The following FANCA variants were observed in gnomAD, a reference collection of about 807,000 sequenced individuals.
FANCA encodes Fanconi anemia group A protein.
In FANCA, 236 loss-of-function variants were observed where a neutral mutation model predicts 194.3. The observed-to-expected ratio is 1.21, with a 90% CI of 1.09 to 1.35. FANCA has a LOEUF of 1.35. Ranked by LOEUF, FANCA falls within the 40% of genes most tolerant of loss-of-function variation. The pLI, the probability that FANCA is intolerant of heterozygous loss-of-function variation, is 0.00. For synonymous variants in FANCA, 1,014 were observed against 715.8 expected, an observed-to-expected ratio of 1.42 and a Z score of -6.65; for missense variants, 2,628 against 1,813.9, an observed-to-expected ratio of 1.45 and a Z score of -8.15.
rs1171089290 is a variant in FANCA at position 89,767,137 on chromosome 16, C to T, written c.2601+4G>A. ...ATGGAAAAATAGGAAAAGAGTGAACCTACCTTTTTAATAAGGCCTGGAGAT... is the reference window on the plus strand; with the variant it reads ...ATGGAAAAATAGGAAAAGAGTGAACTTACCTTTTTAATAAGGCCTGGAGAT... On this transcript the variant is annotated splice_donor_region_variant and intron_variant, in intron 27 of 42. Coordinates refer to ENST00000389301, the MANE Select transcript of FANCA (RefSeq NM_000135.4). The T allele has an allele frequency of 6.2e-6, 10 of 1,604,918 alleles. No individual in the cohort carries two copies. Among genetic ancestry groups the T allele is most frequent in the Non-Finnish European group, 8.5e-6 (10 of 1,171,808 alleles).
intron 7 of FANCA, among the ~76,000 whole-genome samples, chr16:89,804,666 G>C (rs1376957524): frequency 6.6e-6 from 1 of 152,144 alleles, no homozygotes; most frequent in African/African-American, 2.4e-5. Flanking sequence ...CCTAGTCTGA[G>C]CCATCCTCTG....
At chr16:89,794,568 A>C (rs1383455098) in intron 11 of FANCA, among the ~76,000 whole-genome samples, 1 of 152,056 alleles carries the variant, frequency 6.6e-6, no homozygotes, top group Non-Finnish European at 1.5e-5. Context: ...AATAAGATAA[A>C]CTGGGAATAA....
chr16:89,783,195 G>GTGTTTCTCTACTC, intron 15 of FANCA, 93 bp from the exon 16 acceptor site: 1 of 905,292 alleles, frequency 1.1e-6, no homozygotes, highest in Non-Finnish European at 1.8e-6. Context: ...CCACAGTGCT[G>GTGTTTCTCTACTC]AGTAGAGAAA....
At chr16:89,743,781 C>T (rs1337793391) in intron 36 of FANCA, among the ~76,000 whole-genome samples, 2 of 152,126 alleles carry the variant, frequency 1.3e-5, no homozygotes, top group African/African-American at 4.8e-5. Context: ...CGAGATCGTG[C>T]CATCTCACTC....
intron 15 of FANCA, among the ~76,000 whole-genome samples, chr16:89,784,136 C>G (rs927671900): frequency 3.3e-5 from 5 of 151,922 alleles, no homozygotes; most frequent in Admixed American, 6.6e-5. Context: ...GAGGCCAAGG[C>G]GGAAGGATCA....
At chr16:89,804,787 AC>A (rs1383979840) in intron 7 of FANCA, among the ~76,000 whole-genome samples, 1 of 152,092 alleles carries the variant, frequency 6.6e-6, no homozygotes, top group Non-Finnish European at 1.5e-5. Flanking sequence ...TAATCCCAGC[AC>A]TTTGGGAGGC....
chr16:89,808,584 C>A (rs2040754995), intron 5 of FANCA, among the ~76,000 whole-genome samples: 1 of 152,200 alleles, frequency 6.6e-6, no homozygotes, highest in African/African-American at 2.4e-5. Flanking sequence ...CACCCACACA[C>A]CGTTGCCCAA....
chr16:89,808,844 C>G (rs1361446534), intron 5 of FANCA, among the ~76,000 whole-genome samples: 1 of 152,126 alleles, frequency 6.6e-6, no homozygotes, highest in Non-Finnish European at 1.5e-5. Flanking sequence ...ACTGTGAACA[C>G]TGTGCCTGTC....
intron 35 of FANCA, 52 bp from the exon 36 acceptor site, chr16:89,745,123 T>G: frequency 1.3e-6 from 2 of 1,494,506 alleles, no homozygotes; most frequent in Non-Finnish European, 9.0e-7. Flanking sequence ...TGGACACACC[T>G]CCGCTGCCCC....
At chr16:89,755,468 G>C (rs192175332) in intron 30 of FANCA, among the ~76,000 whole-genome samples, 2 of 152,090 alleles carry the variant, frequency 1.3e-5, no homozygotes, top group South Asian at 4.1e-4. Context: ...GCCTCCCAAA[G>C]TGCTGGGATT....
chr16:89,773,785 T>C (rs1171840768), intron 21 of FANCA, among the ~76,000 whole-genome samples: 3 of 151,016 alleles, frequency 2.0e-5, no homozygotes, highest in Non-Finnish European at 4.4e-5. Flanking sequence ...TTTTTTTTTT[T>C]TTTTTTGAGA....
At chr16:89,806,919 T>G (rs964153155) in intron 6 of FANCA, among the ~76,000 whole-genome samples, 9 of 152,192 alleles carry the variant, frequency 5.9e-5, no homozygotes, top group East Asian at 1.9e-4. Flanking sequence ...CTTCCCAGTA[T>G]GGGCGGCCGG....
chr16:89,787,108 G>T (rs539770665), intron 14 of FANCA, among the ~76,000 whole-genome samples: 2 of 152,220 alleles, frequency 1.3e-5, no homozygotes, highest in Non-Finnish European at 2.9e-5. Context: ...GAGATAAAAG[G>T]CAGTTCTGTT....
intron 11 of FANCA, among the ~76,000 whole-genome samples, chr16:89,793,074 T>G (rs1002492288): frequency 1.6e-4 from 24 of 152,282 alleles, no homozygotes; most frequent in South Asian, 8.3e-4. Flanking sequence ...GGGAGACGGT[T>G]AGGCCTCCGG....
chr16:89,798,246 G>A (rs1174586234), intron 10 of FANCA: 10 of 730,876 alleles, frequency 1.4e-5, no homozygotes, highest in Admixed American at 6.1e-5. Flanking sequence ...GGGGCACCCT[G>A]ACCTCCAACT....
At chr16:89,792,606 T>C in intron 11 of FANCA, 59 bp from the exon 12 acceptor site, 1 of 1,494,478 alleles carries the variant, frequency 6.7e-7, no homozygotes, top group Non-Finnish European at 9.1e-7. Context: ...TGTGGGTTTT[T>C]GTTAAGGACC....
chr16:89,807,930 C>A (rs553254356), intron 6 of FANCA, among the ~76,000 whole-genome samples: 5 of 148,086 alleles, frequency 3.4e-5, no homozygotes, highest in African/African-American at 1.0e-4. Context: ...TGGTGGCGGG[C>A]GCCTGTAATC....
chr16:89,742,336 T>C (rs554751691), intron 37 of FANCA, among the ~76,000 whole-genome samples: 18 of 152,150 alleles, frequency 1.2e-4, no homozygotes, highest in Admixed American at 4.6e-4. Flanking sequence ...CACACACCTG[T>C]AGTCTGAGCT....
intron 14 of FANCA, among the ~76,000 whole-genome samples, chr16:89,785,413 CACTTTA>C (rs2039863816): frequency 6.6e-6 from 1 of 152,152 alleles, no homozygotes; most frequent in Non-Finnish European, 1.5e-5. Flanking sequence ...CTTCTGAACA[CACTTTA>C]ACTTCTAACC....
Sources: gnomAD v4.1 joint callset for allele counts (sites outside exome capture counted in the v4.1 genomes callset) on GRCh38, gnomAD v4.1.1 for gene constraint, MANE v1.5 for transcripts, NCBI Gene and HGNC (gene_info 2026-07-23, HGNC 2026-07-21) for gene names.